RIMS1: variants seen among roughly 807,000 people sequenced by gnomAD.
RIMS1 encodes the protein regulating synaptic membrane exocytosis 1, also known as regulating synaptic membrane exocytosis protein 1.
A neutral mutation model predicts 214.1 loss-of-function variants in RIMS1; 83 were observed. The ratio of observed to expected loss-of-function variants is 0.39; its 90% CI spans 0.32 to 0.47. The LOEUF (loss-of-function observed/expected upper bound fraction) is 0.47, where lower values mean the gene tolerates loss of function less well. Ranked by LOEUF, RIMS1 falls within the 20% of genes least tolerant of loss-of-function variation. RIMS1 has a pLI of 0.99. For missense variants in RIMS1, 2,050 were observed against 2,161.8 expected (o/e 0.95, Z 1.03); for synonymous variants, 793 against 786.8 (o/e 1.01, Z -0.13).
chr6:72,256,345 A>T (rs1258491204), intron 16 of RIMS1, among the ~76,000 whole-genome samples: 2 of 152,162 alleles, frequency 1.3e-5, no homozygotes, highest in Non-Finnish European at 2.9e-5. Context: ...TCTAAGTTAC[A>T]TTAAAAGTTG....
chr6:72,069,611 G>C (rs1830115152), intron 2 of RIMS1, among the ~76,000 whole-genome samples: 1 of 152,214 alleles, frequency 6.6e-6, no homozygotes, highest in Non-Finnish European at 1.5e-5. Flanking sequence ...CATTAATGCA[G>C]GTGAGCACTT....
intron 26 of RIMS1, among the ~76,000 whole-genome samples, chr6:72,302,358 A>G (rs922108632): frequency 5.9e-5 from 9 of 151,668 alleles, no homozygotes; most frequent in Non-Finnish European, 1.3e-4. Context: ...ATCTTTCTTG[A>G]TATATTTTAA....
At chr6:72,147,938 C>T (rs2042966682) in intron 4 of RIMS1, among the ~76,000 whole-genome samples, 1 of 152,130 alleles carries the variant, frequency 6.6e-6, no homozygotes. Flanking sequence ...TTGCCAGCAT[C>T]CCAGGCTTCT....
chr6:72,009,952 G>T (rs955952452), intron 2 of RIMS1, among the ~76,000 whole-genome samples: 3 of 152,096 alleles, frequency 2.0e-5, no homozygotes, highest in African/African-American at 7.2e-5. Flanking sequence ...AGAAAAAGAG[G>T]GAATCCTCCC....
chr6:72,257,877 A>G (rs1468402891), intron 16 of RIMS1, among the ~76,000 whole-genome samples: 2 of 152,184 alleles, frequency 1.3e-5, no homozygotes, highest in African/African-American at 4.8e-5. Context: ...TGAGGCATCA[A>G]CTGTCATATT....
rs1820129671 is a variant in RIMS1 at position 72,037,936 on chromosome 6, C to T, written c.246-59013C>T. ...TATTACTTGGCATATATGTCCTGAA[C>T]TGCACCTCGAGTTGCTCATTTCTTA... On this transcript the variant is annotated intron_variant, in intron 2 of 33. Transcript: ENST00000521978. Among the ~76,000 whole-genome samples, 5 of 150,906 alleles carry T rather than the reference C, an allele frequency of 3.3e-5. No individual in the cohort carries two copies. The South Asian group carries it at 1.1e-3, about 32-fold the overall frequency.
At chr6:71,992,440 T>TTCTC (rs1169930905) in intron 2 of RIMS1, among the ~76,000 whole-genome samples, 3 of 148,012 alleles carry the variant, frequency 2.0e-5, no homozygotes, top group Non-Finnish European at 3.0e-5. Context: ...CTTTCTTTCT[T>TTCTC]TCTTTCTTTC....
At chr6:72,237,020 G>A (rs1456742452) in intron 8 of RIMS1, among the ~76,000 whole-genome samples, 1 of 151,916 alleles carries the variant, frequency 6.6e-6, no homozygotes, top group Non-Finnish European at 1.5e-5. Flanking sequence ...TCAACATAGC[G>A]AGACCCCTTC....
At chr6:71,924,919 A>G (rs2150814502) in intron 1 of RIMS1, among the ~76,000 whole-genome samples, 1 of 151,962 alleles carries the variant, frequency 6.6e-6, no homozygotes, top group South Asian at 2.1e-4. Flanking sequence ...AAGATGTTAC[A>G]TTTCTTCCTT....
chr6:72,266,738 T>C (rs1340988255), intron 22 of RIMS1, among the ~76,000 whole-genome samples: 2 of 152,116 alleles, frequency 1.3e-5, no homozygotes, highest in African/African-American at 2.4e-5. Flanking sequence ...AGCATCTAAT[T>C]TTTCCACTGT....
Position 72,398,949 on chromosome 6 carries a change from G to C in RIMS1, c.4721-6G>C. On this transcript the variant is annotated splice_polypyrimidine_tract_variant and splice_region_variant and intron_variant, in intron 32 of 33. Coordinates refer to ENST00000521978, the MANE Select transcript of RIMS1 (RefSeq NM_014989.7). ...ATTTCTTATATGTTAATATACCTTT[G>C]TTTAGCTCCATATGTCAAAGTATAT... is the stretch of plus-strand genomic sequence containing the variant. 1 of 1,559,338 alleles carries C rather than the reference G, an allele frequency of 6.4e-7. No individual in the cohort carries two copies. The highest frequency in any genetic ancestry group is 8.8e-7 in the Non-Finnish European group (1 of 1,133,348).
chr6:71,977,965 T>A (rs1054290135), intron 2 of RIMS1, among the ~76,000 whole-genome samples: 1 of 152,096 alleles, frequency 6.6e-6, no homozygotes, highest in Non-Finnish European at 1.5e-5. Context: ...AAAGAGAACT[T>A]TTAGGAGACA....
chr6:72,123,469 C>G (rs1041369271), intron 4 of RIMS1, among the ~76,000 whole-genome samples: 9 of 151,810 alleles, frequency 5.9e-5, no homozygotes, highest in Non-Finnish European at 1.3e-4. Context: ...GTGGAGAGTT[C>G]TGTAGATGTC....
At chr6:72,144,882 C>CTTTTTT (rs1194756462) in intron 4 of RIMS1, among the ~76,000 whole-genome samples, 1 of 149,116 alleles carries the variant, frequency 6.7e-6, no homozygotes. Context: ...TTTTTTCTTT[C>CTTTTTT]TTTTTTCTTT....
chr6:72,008,901 A>AT (rs966082415), intron 2 of RIMS1, among the ~76,000 whole-genome samples: 4 of 152,172 alleles, frequency 2.6e-5, no homozygotes, highest in African/African-American at 9.7e-5. Context: ...CACTGTCAAC[A>AT]TTAGACAGAT....
At chr6:72,140,728 T>A (rs1247690486) in intron 4 of RIMS1, among the ~76,000 whole-genome samples, 1 of 152,082 alleles carries the variant, frequency 6.6e-6, no homozygotes, top group Non-Finnish European at 1.5e-5. Flanking sequence ...TTGGATTGCA[T>A]TTCCCATCTT....
intron 4 of RIMS1, among the ~76,000 whole-genome samples, chr6:72,167,902 TA>T (rs1313486673): frequency 2.8e-4 from 2 of 7,064 alleles, no homozygotes; most frequent in Non-Finnish European, 4.2e-3. Flanking sequence ...TTCTAGGTTT[TA>T]TTTTTTTTTT....
At chr6:72,333,953 A>G in intron 29 of RIMS1, 118 bp downstream of exon 29, 1 of 752,908 alleles carries the variant, frequency 1.3e-6, no homozygotes, top group Non-Finnish European at 2.2e-6. Context: ...TGAAAAGAAA[A>G]TTTATTTTTC....
At chr6:72,372,539 G>T (rs1263302938) in intron 29 of RIMS1, among the ~76,000 whole-genome samples, 3 of 152,084 alleles carry the variant, frequency 2.0e-5, no homozygotes, top group African/African-American at 7.2e-5. Flanking sequence ...TGAACTTATT[G>T]TACAGAGAAA....
Sources: gnomAD v4.1 joint callset for allele counts (sites outside exome capture counted in the v4.1 genomes callset) on GRCh38, gnomAD v4.1.1 for gene constraint, MANE v1.5 for transcripts, NCBI Gene and HGNC (gene_info 2026-07-23, HGNC 2026-07-21) for gene names.